TUBGCP3: variants seen among roughly 807,000 people sequenced by gnomAD.
TUBGCP3 encodes the protein tubulin gamma complex component 3.
A neutral mutation model predicts 123.1 loss-of-function variants in TUBGCP3; 50 were observed. The ratio of observed to expected loss-of-function variants is 0.41; its 90% CI spans 0.32 to 0.51. The LOEUF (loss-of-function observed/expected upper bound fraction) is 0.51, where lower values mean the gene tolerates loss of function less well. Among genes scored for constraint, TUBGCP3 ranks in the 20% least tolerant of loss-of-function variants. The pLI, the probability that TUBGCP3 is intolerant of heterozygous loss-of-function variation, is 0.36. For synonymous variants in TUBGCP3, 405 were observed against 413.9 expected, an observed-to-expected ratio of 0.98 and a Z score of 0.26; for missense variants, 882 against 1,127.0, an observed-to-expected ratio of 0.78 and a Z score of 3.11.
intron 1 of TUBGCP3, among the ~76,000 whole-genome samples, chr13:112,586,913 A>G (rs1882649371): frequency 6.6e-6 from 1 of 152,192 alleles, no homozygotes; most frequent in African/African-American, 2.4e-5. Flanking sequence ...TAGCGACACA[A>G]AATTATTCAT....
At chr13:112,526,531 T>TTCATCATC (rs1877120511) in intron 13 of TUBGCP3, among the ~76,000 whole-genome samples, 2 of 141,088 alleles carry the variant, frequency 1.4e-5, no homozygotes, top group East Asian at 2.3e-4. Context: ...GCCACCACCA[T>TTCATCATC]GCCATCATCA....
At chr13:112,570,785 G>C (rs779980547) in intron 1 of TUBGCP3, among the ~76,000 whole-genome samples, 1 of 152,174 alleles carries the variant, frequency 6.6e-6, no homozygotes, top group African/African-American at 2.4e-5. Flanking sequence ...AACTTCTTTC[G>C]AAACAGAAGC....
At chr13:112,574,260 TCA>T (rs1190494213) in intron 1 of TUBGCP3, among the ~76,000 whole-genome samples, 2 of 139,956 alleles carry the variant, frequency 1.4e-5, no homozygotes, top group Admixed American at 7.3e-5. Flanking sequence ...CACTCCACGC[TCA>T]CAGTGTGGCT....
chr13:112,594,715 T>C, the TUBGCP3 span, among the ~76,000 whole-genome samples: 1 of 152,248 alleles, frequency 6.6e-6, no homozygotes, highest in African/African-American at 2.4e-5. Flanking sequence ...TATAAATTTC[T>C]GTCTAAGCAC....
In TUBGCP3 at chr13:112,550,150, G is replaced by A. The variant is rs925026217; in HGVS notation, c.967-1974C>T. Among the ~76,000 whole-genome samples, 4 of 152,122 alleles carry A rather than the reference G, an allele frequency of 2.6e-5. No homozygotes were observed. In the East Asian group the frequency reaches 7.7e-4, roughly 29 times the overall value. ...TGTAACTCCAGGATGCCTGGGGGCA[G>A]CTCTGCTGTTCAAGGAGCCCACAGC... On this transcript the variant is annotated intron_variant, in intron 8 of 21. Coordinates refer to ENST00000261965, the MANE Select transcript of TUBGCP3 (RefSeq NM_006322.6).
At chr13:112,577,651 C>T (rs570773443) in intron 1 of TUBGCP3, among the ~76,000 whole-genome samples, 3 of 152,220 alleles carry the variant, frequency 2.0e-5, no homozygotes, top group African/African-American at 7.2e-5. Context: ...TTAATTAATT[C>T]TAACAAGTGT....
intron 11 of TUBGCP3, among the ~76,000 whole-genome samples, chr13:112,536,818 C>G (rs1487993022): frequency 6.6e-6 from 1 of 151,896 alleles, no homozygotes; most frequent in African/African-American, 2.4e-5. Context: ...ACTCTGTCAC[C>G]CAGAGTGCAG....
intron 13 of TUBGCP3, among the ~76,000 whole-genome samples, chr13:112,523,998 G>C (rs1042086055): frequency 6.6e-6 from 1 of 152,100 alleles, no homozygotes; most frequent in African/African-American, 2.4e-5. Flanking sequence ...CCATGGACAG[G>C]ACGACGGGGA....
chr13:112,587,929 A>G lies in TUBGCP3; in HGVS notation c.52T>C (p.Cys18Arg). 6.3e-7 allele frequency: 1 copy of G among 1,594,386 alleles called. No individual in the cohort carries two copies. ...CCTTCGCTCCTGCCCAGGATCCTGC[A>G]GCACAGGTTCTGCAGCAGAACGTTC... ...SPNVLLQNLC[C>R]RILGRSEADV... The change falls in exon 1 of 22, where the codon TGC (cysteine) becomes CGC (arginine). Residue 18 changes from cysteine to arginine, a missense_variant. By Grantham distance (180) the Cys-to-Arg change is radical. Transcript: ENST00000261965.
At chr13:112,593,681 GA>G in the TUBGCP3 span, among the ~76,000 whole-genome samples, 2 of 149,676 alleles carry the variant, frequency 1.3e-5, no homozygotes, top group Admixed American at 6.6e-5. Context: ...TCAAAAAAAA[GA>G]AAAAAAAAGA....
At chr13:112,507,739 G>A (rs972785749) in intron 17 of TUBGCP3, among the ~76,000 whole-genome samples, 2 of 152,090 alleles carry the variant, frequency 1.3e-5, no homozygotes, top group Admixed American at 6.5e-5. Flanking sequence ...TTCATGGCAC[G>A]AATATGCTTT....
chr13:112,491,340 T>G (rs1880091585), intron 20 of TUBGCP3, among the ~76,000 whole-genome samples: 1 of 152,230 alleles, frequency 6.6e-6, no homozygotes, highest in African/African-American at 2.4e-5. Flanking sequence ...AACTGAAATA[T>G]TCTTCTAAAA....
rs976110426 is a variant in TUBGCP3, at chr13:112,508,029, A to G, written c.2087-3315T>C. ...TCATGCAATGCTCAGTGTCAGCCTA[A>G]ACTCCTGACATCCCACTCCAGCCCA... On this transcript the variant is annotated intron_variant, in intron 17 of 21. Transcript: ENST00000261965. The surrounding 1 kb of genome is among the most constrained non-coding windows in gnomAD (Gnocchi z 4.2). Among the ~76,000 whole-genome samples, 2 of 151,950 alleles carry G rather than the reference A, an allele frequency of 1.3e-5. No individual in the cohort carries two copies. Among genetic ancestry groups the G allele is most frequent in the African/African-American group, 2.4e-5 (1 of 41,352 alleles).
At chr13:112,562,047 A>G (rs1220668341) in intron 3 of TUBGCP3, among the ~76,000 whole-genome samples, 8 of 152,202 alleles carry the variant, frequency 5.3e-5, no homozygotes, top group African/African-American at 1.9e-4. Flanking sequence ...GTCTGGAAAC[A>G]CCACCAGCAA....
At chr13:112,492,203 CTCTAACA>C (rs1880143023) in intron 20 of TUBGCP3, among the ~76,000 whole-genome samples, 1 of 152,164 alleles carries the variant, frequency 6.6e-6, no homozygotes, top group Admixed American at 6.5e-5. Flanking sequence ...CTATTCATAT[CTCTAACA>C]TCTTTCAACC....
rs1877180996 is a variant in TUBGCP3 at position 112,526,949 on chromosome 13, G to A, written c.1548C>T (p.Pro516=). ...MIAVTKSAES[P]QDAADLFTDL... is the part of the protein sequence containing the mutation. ...CCACCAGCATCATCATACCGTCCTG[G>A]GGTGACTCTGCAGACTTGGTCACAG... The change falls in exon 13 of 22, where the codon CCC becomes CCT. Residue 516 remains proline, a synonymous_variant. Transcript: ENST00000261965. 6.2e-6 allele frequency: 10 copies of A among 1,612,710 alleles called. No individual in the cohort carries two copies. Among genetic ancestry groups the A allele is most frequent in the Non-Finnish European group, 5.9e-6 (7 of 1,178,814 alleles).
At chr13:112,549,310 G>A (rs1415527699) in intron 8 of TUBGCP3, among the ~76,000 whole-genome samples, 1 of 139,018 alleles carries the variant, frequency 7.2e-6, no homozygotes, top group Non-Finnish European at 1.5e-5. Context: ...ACAGGGTGGG[G>A]AACTTGGATA....
chr13:112,535,099 C>T (rs1327761627), intron 11 of TUBGCP3, among the ~76,000 whole-genome samples: 1 of 152,230 alleles, frequency 6.6e-6, no homozygotes, highest in Non-Finnish European at 1.5e-5. Context: ...GATTCACCCA[C>T]ACTGTAGCAA....
intron 17 of TUBGCP3, among the ~76,000 whole-genome samples, chr13:112,510,876 T>G (rs1881632699): frequency 6.6e-6 from 1 of 152,118 alleles, no homozygotes; most frequent in African/African-American, 2.4e-5. Context: ...TCACTAAGGA[T>G]CCAAAAGACT....
Sources: gnomAD v4.1 joint callset for allele counts (sites outside exome capture counted in the v4.1 genomes callset) on GRCh38, gnomAD v4.1.1 for gene constraint, Gnocchi (gnomAD v3.1) non-coding constraint, MANE v1.5 for transcripts, NCBI Gene and HGNC (gene_info 2026-07-23, HGNC 2026-07-21) for gene names.